FBXO22: variants seen among roughly 807,000 people sequenced by gnomAD.
FBXO22 encodes F-box protein 22, also known as F-box only protein 22.
A neutral mutation model predicts 37.2 loss-of-function variants in FBXO22; 13 were observed. That is an observed-to-expected ratio of 0.35 (90% CI 0.23 to 0.56). The LOEUF is 0.56. FBXO22 is among the 20% of genes least tolerant of loss of function. The pLI is 0.87. For synonymous variants in FBXO22, 189 were observed against 189.1 expected, an observed-to-expected ratio of 1.00 and a Z score of 0.00; for missense variants, 446 against 509.9, an observed-to-expected ratio of 0.87 and a Z score of 1.21.
intron 2 of FBXO22, among the ~76,000 whole-genome samples, chr15:75,911,526 A>G (rs1288556810): frequency 6.6e-6 from 1 of 152,108 alleles, no homozygotes; most frequent in African/African-American, 2.4e-5. Context: ...CTTAGTAGCA[A>G]TTGTGAATGG....
At position 75,932,951 on chromosome 15, in the gene FBXO22, T is replaced by C; in HGVS notation, c.1061T>C (p.Leu354Ser). 1 of 1,614,266 alleles carries C rather than the reference T, an allele frequency of 6.2e-7. No individual in the cohort carries two copies. Among genetic ancestry groups the C allele is most frequent in the Non-Finnish European group, 8.5e-7 (1 of 1,180,046 alleles). Residue 354 changes from leucine to serine, a missense_variant, in exon 7 of 7, where the codon TTA (leucine) becomes TCA (serine). Physicochemically the swap from Leu to Ser is moderately radical, Grantham distance 145. Around this residue, in one of 2 missense-constraint regions of FBXO22, gnomAD observed 315 missense variants for 410.1 expected, o/e 0.77. Coordinates refer to ENST00000308275, the MANE Select transcript of FBXO22 (RefSeq NM_147188.3). ...AFRKFFPSVPLFGFFGNGEIG... is the reference protein window; with the variant it reads ...AFRKFFPSVPSFGFFGNGEIG... ...AGAAAGTTTTTTCCTAGTGTTCCCT[T>C]ATTCGGCTTCTTTGGAAATGGAGAA...
chr15:75,932,561 G>A (rs1360709906), intron 6 of FBXO22, 124 bp from the exon 7 acceptor site: 3 of 860,892 alleles, frequency 3.5e-6, no homozygotes, highest in East Asian at 2.5e-5. Context: ...ATGAGGGTGA[G>A]CCTCAGATTA....
In FBXO22 at chr15:75,942,405, G is replaced by C. The variant is rs1793151526; in HGVS notation, c.*9303G>C. 1.3e-5 allele frequency: 2 copies of C among 151,638 alleles called. No individual in the cohort carries two copies. 9.4% of individuals were successfully genotyped at this position (151,638 alleles called of 1,614,324 possible). ...AAACAAATATACCACACTAGTGCAA[G>C]ATGTTAATAATAAAGGCCTGGGGTG... On this transcript the variant is annotated 3_prime_UTR_variant, in exon 7 of 7. Coordinates refer to ENST00000308275, the MANE Select transcript of FBXO22 (RefSeq NM_147188.3).
In FBXO22 at chr15:75,929,871, C is replaced by A. The variant is rs1210404348; in HGVS notation, c.629-13C>A. ...AAGGCTGTCTTTAACTGTTGCTCTT[C>A]ATTTCTCTGCAGGTCTTTTAGATAA... is the stretch of plus-strand genomic sequence containing the variant. On this transcript the variant is annotated splice_polypyrimidine_tract_variant and intron_variant, in intron 5 of 6. Coordinates refer to ENST00000308275, the MANE Select transcript of FBXO22 (RefSeq NM_147188.3). The A allele has an allele frequency of 6.2e-7, 1 of 1,613,798 alleles. No individual in the cohort carries two copies. Among genetic ancestry groups the A allele is most frequent in the Non-Finnish European group, 8.5e-7 (1 of 1,179,810 alleles).
At chr15:75,926,657 G>A (rs1052837737) in intron 5 of FBXO22, among the ~76,000 whole-genome samples, 5 of 152,148 alleles carry the variant, frequency 3.3e-5, no homozygotes, top group South Asian at 2.1e-4. Context: ...GCGTATCCGG[G>A]AAAAACACTA....
chr15:75,933,441 T>A lies in FBXO22; in HGVS notation c.*339T>A, dbSNP rs1244422219. On this transcript the variant is annotated 3_prime_UTR_variant, in exon 7 of 7. Coordinates refer to ENST00000308275, the MANE Select transcript of FBXO22 (RefSeq NM_147188.3). ...GGGTATTCATCAATAGGATATAGAT[T>A]TAAGACATTCCCTGACTACCCCTTG... is the stretch of plus-strand genomic sequence containing the variant. 4.3e-6 allele frequency: 1 copy of A among 231,498 alleles called. No homozygotes were observed. Among genetic ancestry groups the A allele is most frequent in the Non-Finnish European group, 8.5e-6 (1 of 117,780 alleles). 14.3% of individuals were successfully genotyped at this position (231,498 alleles called of 1,614,324 possible). A position where few individuals can be genotyped will look rare whatever the true frequency, so the allele number is the denominator to read the frequency against.
intron 5 of FBXO22, among the ~76,000 whole-genome samples, chr15:75,922,809 A>G (rs1190440515): frequency 6.6e-6 from 1 of 152,190 alleles, no homozygotes; most frequent in Non-Finnish European, 1.5e-5. Flanking sequence ...AATTGGAGGA[A>G]ATGAACAAAT....
chr15:75,934,160 G>A lies in FBXO22; in HGVS notation c.*1058G>A, dbSNP rs1174753430. 1 of 152,200 alleles carries A rather than the reference G, an allele frequency of 6.6e-6. No homozygotes were observed. Among genetic ancestry groups the A allele is most frequent in the East Asian group, 1.9e-4 (1 of 5,196 alleles). The allele number at this position is 152,200 out of a possible 1,614,324, so 9.4% of individuals were successfully genotyped here. On this transcript the variant is annotated 3_prime_UTR_variant, in exon 7 of 7. Transcript: ENST00000308275. ...TGGACAATGGAATGTGAGGGGAAACGATTTTTTGTGTCCTTAAAATGGCAT... is the reference window on the plus strand; with the variant it reads ...TGGACAATGGAATGTGAGGGGAAACAATTTTTTGTGTCCTTAAAATGGCAT...
rs200086646 is a variant in FBXO22, at chr15:75,932,724, G to C, written c.834G>C (p.Leu278=). 111 of 1,613,510 alleles carry C rather than the reference G, an allele frequency of 6.9e-5. No individual in the cohort carries two copies. Among genetic ancestry groups the C allele is most frequent in the East Asian group, 2.7e-4 (12 of 44,880 alleles). ...LDIDASGVVG[L]SFSGHRIQSA... is the part of the protein sequence containing the mutation. The stretch of plus-strand genomic sequence containing the variant: ...TTGATGCCTCGGGTGTGGTTGGACT[G>C]TCATTTAGTGGACACCGAATCCAGA... The change falls in exon 7 of 7, where the codon CTG becomes CTC. Residue 278 remains leucine (L), a synonymous_variant. Coordinates refer to ENST00000308275, the MANE Select transcript of FBXO22 (RefSeq NM_147188.3).
At position 75,906,320 on chromosome 15, in the gene FBXO22, A is replaced by T. The variant is rs368069379; in HGVS notation, c.279+1691A>T. Among the ~76,000 whole-genome samples, 165 of 152,200 alleles carry T rather than the reference A, an allele frequency of 1.1e-3. 2 individuals carry two copies. In the South Asian group the frequency reaches 0.018, roughly 16 times the overall value. On this transcript the variant is annotated intron_variant, in intron 2 of 6. Coordinates refer to ENST00000308275, the MANE Select transcript of FBXO22 (RefSeq NM_147188.3). ...AGACTCTCTAAGTGTACTCCTTGCC[A>T]TTGAGGGATTTGCTGCTCCAAAGCC...
At chr15:75,907,662 G>A (rs1199973305) in intron 2 of FBXO22, among the ~76,000 whole-genome samples, 1 of 152,204 alleles carries the variant, frequency 6.6e-6, no homozygotes, top group Non-Finnish European at 1.5e-5. Context: ...TTGGAAAGCC[G>A]AGGCAGGCAA....
intron 1 of FBXO22, 61 bp downstream of exon 1, chr15:75,904,164 G>C (rs912238936): frequency 2.7e-6 from 4 of 1,482,616 alleles, no homozygotes; most frequent in Non-Finnish European, 3.6e-6. Context: ...CATGTCCCAG[G>C]CTGGCGGGGT....
intron 2 of FBXO22, among the ~76,000 whole-genome samples, chr15:75,904,953 A>G (rs577918283): frequency 1.3e-5 from 2 of 151,776 alleles, no homozygotes; most frequent in South Asian, 4.1e-4. Flanking sequence ...CCTCCCGAGT[A>G]GCTGGGACTA....
intron 6 of FBXO22, among the ~76,000 whole-genome samples, chr15:75,931,485 G>A (rs2030011367): frequency 6.6e-6 from 1 of 152,178 alleles, no homozygotes; most frequent in East Asian, 1.9e-4. Context: ...TACCAAAGAG[G>A]AAATGTGATA....
intron 5 of FBXO22, among the ~76,000 whole-genome samples, chr15:75,922,992 T>C (rs1900360628): frequency 6.6e-6 from 1 of 152,160 alleles, no homozygotes. Context: ...TTGTTTTGGC[T>C]GTTGATTCAG....
intron 2 of FBXO22, among the ~76,000 whole-genome samples, chr15:75,909,135 G>A (rs771249311): frequency 1.4e-4 from 22 of 152,110 alleles, no homozygotes; most frequent in Admixed American, 1.2e-3. Flanking sequence ...CTGCTTTGCC[G>A]CTTGTCTTCA....
chr15:75,928,730 TA>T (rs56709997), intron 5 of FBXO22, among the ~76,000 whole-genome samples: 3 of 149,662 alleles, frequency 2.0e-5, no homozygotes, highest in African/African-American at 4.9e-5. Flanking sequence ...TCCCTGAACT[TA>T]AAAAAAAAAT....
In FBXO22 at chr15:75,903,911, T is replaced by A. The variant is rs1899852123; in HGVS notation, c.-53T>A. The A allele has an allele frequency of 6.9e-7, 1 of 1,447,982 alleles. No homozygotes were observed. The highest frequency in any genetic ancestry group is 9.1e-7 in the Non-Finnish European group (1 of 1,095,846). 89.7% of individuals were successfully genotyped at this position (1,447,982 alleles called of 1,614,324 possible). On this transcript the variant is annotated 5_prime_UTR_variant, in exon 1 of 7. An upstream open reading frame in the 5' UTR loses its in-frame stop. Coordinates refer to ENST00000308275, the MANE Select transcript of FBXO22 (RefSeq NM_147188.3). ...CCGGCCGGGCAACCCTATGCTGGCGTAATCGGGTTCCTCCGAGCCGCCGTA... is the reference window on the plus strand; with the variant it reads ...CCGGCCGGGCAACCCTATGCTGGCGAAATCGGGTTCCTCCGAGCCGCCGTA...
rs2030195603 is a variant in FBXO22, at chr15:75,934,540, T to G, written c.*1438T>G. 6.6e-6 allele frequency: 1 copy of G among 152,198 alleles called. No homozygotes were observed. The highest frequency in any genetic ancestry group is 2.1e-4 in the South Asian group (1 of 4,836). The allele number at this position is 152,198 out of a possible 1,614,324, so 9.4% of individuals were successfully genotyped here. On this transcript the variant is annotated 3_prime_UTR_variant, in exon 7 of 7. Transcript: ENST00000308275. ...TTTTCCTTTTTTGTCACTTTTATCC[T>G]TTTTTTAAAACTGAAAATATTTTTC...
Sources: gnomAD v4.1 joint callset for allele counts (sites outside exome capture counted in the v4.1 genomes callset) on GRCh38, gnomAD v4.1.1 for gene constraint, gnomAD v4.1.1 regional missense constraint, MANE v1.5 for transcripts, NCBI Gene and HGNC (gene_info 2026-07-23, HGNC 2026-07-21) for gene names.